Variants in KAZN observed in about 807,000 individuals in gnomAD.
KAZN encodes the protein kazrin, periplakin interacting protein.
A neutral mutation model predicts 87.4 loss-of-function variants in KAZN; 40 were observed. The ratio of observed to expected loss-of-function variants is 0.46; its 90% CI spans 0.36 to 0.60. The LOEUF is 0.60. KAZN is among the 20% of genes least tolerant of loss of function. The pLI, the probability that KAZN is intolerant of heterozygous loss-of-function variation, is 0.00. For missense variants in KAZN, 898 were observed against 1,073.9 expected, an observed-to-expected ratio of 0.84 and a Z score of 2.29; for synonymous variants, 466 against 458.3, an observed-to-expected ratio of 1.02 and a Z score of -0.22.
At chr1:14,496,355 G>T (rs1373928235) in intron 2 of KAZN, among the ~76,000 whole-genome samples, 1 of 152,162 alleles carries the variant, frequency 6.6e-6, no homozygotes, top group East Asian at 1.9e-4. Context: ...TGAACATTCT[G>T]GGGGGAAGGG....
rs766205941 is a variant in KAZN, at chr1:14,508,752, G to A, written c.250-90231G>A. Among the ~76,000 whole-genome samples, 4 of 152,122 alleles carry A rather than the reference G, an allele frequency of 2.6e-5. No homozygotes were observed. The East Asian group carries it at 7.7e-4, about 29-fold the overall frequency. ...TAATTATGTTTGCTCTTTGGACCTC[G>A]CCCGTTCTCCCTTCATGGTTTCAGA... is the stretch of plus-strand genomic sequence containing the variant. On this transcript the variant is annotated intron_variant, in intron 2 of 16. Transcript: ENST00000636203.
intron 1 of KAZN, among the ~76,000 whole-genome samples, chr1:14,859,588 A>G (rs1043688540): frequency 3.3e-5 from 5 of 152,088 alleles, no homozygotes; most frequent in African/African-American, 1.2e-4. Context: ...TCTGATCCCA[A>G]ATCTGATTAT....
At chr1:14,980,197 C>CTA (rs1666087336) in intron 2 of KAZN, among the ~76,000 whole-genome samples, 1 of 152,102 alleles carries the variant, frequency 6.6e-6, no homozygotes, top group African/African-American at 2.4e-5. Flanking sequence ...CCATAAGTAC[C>CTA]TATTTATTAA....
chr1:13,934,337 G>C (rs903401597), intron 1 of KAZN, among the ~76,000 whole-genome samples: 3 of 152,146 alleles, frequency 2.0e-5, no homozygotes, highest in Non-Finnish European at 4.4e-5. Context: ...GCACTCCCCG[G>C]GGAAGCGTCT....
chr1:14,322,154 G>A (rs1656089493), intron 2 of KAZN, among the ~76,000 whole-genome samples: 1 of 152,114 alleles, frequency 6.6e-6, no homozygotes, highest in African/African-American at 2.4e-5. Flanking sequence ...TAGAAGACAT[G>A]GTGACATGTG....
At chr1:14,250,329 C>CT (rs1338712352) in intron 2 of KAZN, among the ~76,000 whole-genome samples, 1 of 151,856 alleles carries the variant, frequency 6.6e-6, no homozygotes, top group East Asian at 2.0e-4. Flanking sequence ...TCCACATGTT[C>CT]TTTTGCTTCA....
chr1:14,953,192 G>A (rs545584826), intron 1 of KAZN, among the ~76,000 whole-genome samples: 2 of 152,386 alleles, frequency 1.3e-5, no homozygotes, highest in African/African-American at 4.8e-5. Context: ...CAGGGGCTGT[G>A]TGGGGAGTGT....
At chr1:15,108,577 G>A (rs767757743) in intron 13 of KAZN, among the ~76,000 whole-genome samples, 2 of 152,182 alleles carry the variant, frequency 1.3e-5, no homozygotes, top group African/African-American at 2.4e-5. Flanking sequence ...GGTGGCCCTC[G>A]AGTACTCTTT....
chr1:15,025,778 G>T (rs780910554), intron 2 of KAZN, among the ~76,000 whole-genome samples: 3 of 152,156 alleles, frequency 2.0e-5, no homozygotes, highest in African/African-American at 4.8e-5. Flanking sequence ...TTGGCTGCGC[G>T]AGCCGGTCAA....
chr1:14,909,592 A>G (rs1657012167), intron 1 of KAZN, among the ~76,000 whole-genome samples: 1 of 152,104 alleles, frequency 6.6e-6, no homozygotes, highest in South Asian at 2.1e-4. Flanking sequence ...CCAGGGCCAA[A>G]TAACACTCTT....
At chr1:14,924,090 C>G in intron 1 of KAZN, 1 of 976,604 alleles carries the variant, frequency 1.0e-6, no homozygotes, top group Non-Finnish European at 1.2e-6. Flanking sequence ...TCGGCAGTCG[C>G]CAGCCCGGAA....
At chr1:14,623,778 A>G (rs555918299) in intron 1 of KAZN, among the ~76,000 whole-genome samples, 5 of 151,938 alleles carry the variant, frequency 3.3e-5, no homozygotes, top group Non-Finnish European at 5.9e-5. Context: ...TTTGATATCT[A>G]ATTGACTGAT....
At chr1:14,452,508 A>T (rs1195395276) in intron 2 of KAZN, among the ~76,000 whole-genome samples, 1 of 152,224 alleles carries the variant, frequency 6.6e-6, no homozygotes, top group Non-Finnish European at 1.5e-5. Flanking sequence ...GCGCTCAGTC[A>T]CAATATACCT....
chr1:14,890,101 C>T (rs1326156085), intron 1 of KAZN, among the ~76,000 whole-genome samples: 3 of 152,182 alleles, frequency 2.0e-5, no homozygotes, highest in Non-Finnish European at 2.9e-5. Context: ...GGGAAGCTTA[C>T]CACAGGGACC....
intron 2 of KAZN, among the ~76,000 whole-genome samples, chr1:14,400,937 G>A (rs1194015718): frequency 6.6e-6 from 1 of 152,230 alleles, no homozygotes; most frequent in Admixed American, 6.5e-5. Flanking sequence ...CAGCAATGAT[G>A]TTATATAGAT....
chr1:13,913,428 G>A (rs1454442005), intron 1 of KAZN, among the ~76,000 whole-genome samples: 3 of 152,144 alleles, frequency 2.0e-5, no homozygotes, highest in African/African-American at 7.2e-5. Context: ...CTGTGGTGGA[G>A]CTAGAGATGG....
intron 2 of KAZN, among the ~76,000 whole-genome samples, chr1:14,354,154 T>C (rs1234567890): frequency 1.3e-5 from 2 of 152,078 alleles, no homozygotes; most frequent in African/African-American, 2.4e-5. Flanking sequence ...TTTTAACAAA[T>C]AGTGCTAGAA....
intron 2 of KAZN, among the ~76,000 whole-genome samples, chr1:14,228,557 C>G (rs1457557718): frequency 6.6e-6 from 1 of 152,166 alleles, no homozygotes; most frequent in Non-Finnish European, 1.5e-5. Context: ...ATTAGCATCT[C>G]TGGCACAATG....
intron 2 of KAZN, among the ~76,000 whole-genome samples, chr1:14,549,398 A>G (rs1415157527): frequency 2.0e-5 from 3 of 152,204 alleles, no homozygotes; most frequent in Non-Finnish European, 4.4e-5. Context: ...TTAAGTCTTC[A>G]GAGAGGAAGT....
Sources: gnomAD v4.1 joint callset for allele counts (sites outside exome capture counted in the v4.1 genomes callset) on GRCh38, gnomAD v4.1.1 for gene constraint, MANE v1.5 for transcripts, NCBI Gene and HGNC (gene_info 2026-07-23, HGNC 2026-07-21) for gene names.